ATP11A: variants seen among roughly 807,000 people sequenced by gnomAD.
ATP11A encodes phospholipid-transporting ATPase IH.
In ATP11A, 81 loss-of-function variants were observed where a neutral mutation model predicts 154.4. The ratio of observed to expected loss-of-function variants is 0.52; its 90% CI spans 0.44 to 0.63. The LOEUF (loss-of-function observed/expected upper bound fraction) is 0.63, where lower values mean the gene tolerates loss of function less well. Among genes scored for constraint, ATP11A ranks in the 30% least tolerant of loss-of-function variants. ATP11A has a pLI of 0.00. For synonymous variants in ATP11A, 623 were observed against 585.9 expected, an observed-to-expected ratio of 1.06 and a Z score of -0.91; for missense variants, 1,316 against 1,474.3, an observed-to-expected ratio of 0.89 and a Z score of 1.76.
In ATP11A at chr13:112,886,160, C is replaced by A. The variant is rs1397425314; in HGVS notation, c.*4294C>A. Reference sequence around the variant, plus strand: ...CCTGTGTCTGAGCAGACAGGGCGAACAAGCAGGCCACACCGTCTCGAGGGA... The same window carrying A: ...CCTGTGTCTGAGCAGACAGGGCGAAAAAGCAGGCCACACCGTCTCGAGGGA... On this transcript the variant is annotated 3_prime_UTR_variant, in exon 30 of 30. Coordinates refer to ENST00000375645, the MANE Select transcript of ATP11A (RefSeq NM_015205.3). 1.3e-5 allele frequency: 2 copies of A among 152,268 alleles called. No individual in the cohort carries two copies. Among genetic ancestry groups the A allele is most frequent in the Admixed American group, 1.3e-4 (2 of 15,292 alleles). The allele number at this position is 152,268 out of a possible 1,614,324, so 9.4% of individuals were successfully genotyped here. A position where few individuals can be genotyped will look rare whatever the true frequency, so the allele number is the denominator to read the frequency against.
intron 6 of ATP11A, among the ~76,000 whole-genome samples, chr13:112,819,093 T>G (rs1190128154): frequency 6.6e-6 from 1 of 152,234 alleles, no homozygotes; most frequent in African/African-American, 2.4e-5. Flanking sequence ...TAGTTTTAAG[T>G]GGAGGACACT....
intron 16 of ATP11A, among the ~76,000 whole-genome samples, chr13:112,839,572 C>T (rs958534529): frequency 3.9e-5 from 6 of 152,194 alleles, no homozygotes; most frequent in South Asian, 2.1e-4. Context: ...CCACCAACCA[C>T]GGCTGCACCT....
chr13:112,690,594 A>T lies in ATP11A; in HGVS notation c.39+139A>T. On this transcript the variant is annotated intron_variant, in intron 1 of 29. Transcript: ENST00000375645. The surrounding 1 kb of genome is among the most constrained non-coding windows in gnomAD (Gnocchi z 5.6). ...TCTGGGACTCGGACCGCCCCCGGGG[A>T]CGAGCGGGATGCTGGGGAGGGGCCT... The T allele has an allele frequency of 3.8e-6, 3 of 798,552 alleles. No homozygotes were observed. In the South Asian group the frequency reaches 1.8e-4, roughly 47 times the overall value. The allele number at this position is 798,552 out of a possible 1,614,324, so 49.5% of individuals were successfully genotyped here.
intron 1 of ATP11A, chr13:112,703,282 CCTCGTAA>C (rs1341836446): frequency 6.6e-5 from 10 of 152,218 alleles, no homozygotes; most frequent in African/African-American, 2.4e-4. Flanking sequence ...CTCTCTTCCT[CCTCGTAA>C]CCACACACCA....
intron 12 of ATP11A, 141 bp downstream of exon 12, chr13:112,827,032 C>A: frequency 3.8e-6 from 3 of 791,626 alleles, no homozygotes; most frequent in South Asian, 3.4e-5. Flanking sequence ...GTTTTGAACC[C>A]TATTTATGAA....
rs1003615749 is a variant in ATP11A, at chr13:112,875,835, C to T, written c.3221C>T (p.Pro1074Leu). 14 of 1,613,876 alleles carry T rather than the reference C, an allele frequency of 8.7e-6. No individual in the cohort carries two copies. The highest frequency in any genetic ancestry group is 1.7e-5 in the Admixed American group (1 of 60,010). ...TTCATCCAGATGCTGTCCAGCGGGC[C>T]CGCCTGGCTGGCCATCGTGCTGCTG... is the stretch of plus-strand genomic sequence containing the variant. Reference protein sequence around the residue: ...YVFIQMLSSGPAWLAIVLLVT... With the variant: ...YVFIQMLSSGLAWLAIVLLVT... The change falls in exon 28 of 30, where the codon CCC becomes CTC. Residue 1074 changes from proline to leucine, a missense_variant. Around this residue, in one of 5 missense-constraint regions of ATP11A, gnomAD observed 294 missense variants for 290.2 expected, o/e 1.01. Coordinates refer to ENST00000375645, the MANE Select transcript of ATP11A (RefSeq NM_015205.3). The surrounding 1 kb of genome is among the most constrained non-coding windows in gnomAD (Gnocchi z 4.1).
chr13:112,813,547 A>G (rs1168351544), intron 5 of ATP11A, among the ~76,000 whole-genome samples: 1 of 152,234 alleles, frequency 6.6e-6, no homozygotes, highest in East Asian at 1.9e-4. Context: ...TGGGGCTGTT[A>G]TCAAGAGAGC....
intron 1 of ATP11A, among the ~76,000 whole-genome samples, chr13:112,751,072 C>T (rs1462419534): frequency 2.0e-5 from 3 of 152,194 alleles, no homozygotes; most frequent in Admixed American, 2.0e-4. Context: ...GCGGTGGGGC[C>T]GCAGGGTCTC....
At chr13:112,872,910 CT>C (rs1246594034) in intron 26 of ATP11A, among the ~76,000 whole-genome samples, 1 of 149,000 alleles carries the variant, frequency 6.7e-6, no homozygotes, top group Non-Finnish European at 1.5e-5. Flanking sequence ...GTGGCTTTGT[CT>C]TCCTGAGCGG....
chr13:112,749,885 A>G (rs1350476439), intron 1 of ATP11A, among the ~76,000 whole-genome samples: 1 of 118,240 alleles, frequency 8.5e-6, no homozygotes, highest in Non-Finnish European at 1.7e-5. Context: ...CTGCTGAAGG[A>G]CGCGGGGTTG....
chr13:112,714,065 T>C (rs368211670), intron 1 of ATP11A, among the ~76,000 whole-genome samples: 36 of 79,118 alleles, frequency 4.6e-4, no homozygotes, highest in African/African-American at 1.8e-3. Flanking sequence ...ATCCCACGCC[T>C]CCCTTCCACT....
In ATP11A at chr13:112,859,489, C is replaced by T; in HGVS notation, c.2727+37C>T. 1 of 1,552,094 alleles carries T rather than the reference C, an allele frequency of 6.4e-7. No individual in the cohort carries two copies. Among genetic ancestry groups the T allele is most frequent in the Non-Finnish European group, 8.9e-7 (1 of 1,123,864 alleles). ...GGTCTTCAGGGACAGGCTGTCTGAG[C>T]CTTCTTTTCCTTCCCGCAGTGGGTG... On this transcript the variant is annotated intron_variant, in intron 23 of 29. Coordinates refer to ENST00000375645, the MANE Select transcript of ATP11A (RefSeq NM_015205.3). This position sits in a 1 kb window ranked among gnomAD's most constrained non-coding sequence, Gnocchi z 4.3.
intron 5 of ATP11A, among the ~76,000 whole-genome samples, chr13:112,815,516 A>C (rs1271528108): frequency 6.6e-6 from 1 of 152,260 alleles, no homozygotes; most frequent in Non-Finnish European, 1.5e-5. Flanking sequence ...CACACAGCCC[A>C]GGCCACTGAG....
At chr13:112,871,666 A>C in intron 25 of ATP11A, 69 bp from the exon 26 acceptor site, 1 of 1,468,702 alleles carries the variant, frequency 6.8e-7, no homozygotes, top group Non-Finnish European at 9.5e-7. Flanking sequence ...ATTTTCTAAA[A>C]CTCTTGATTG....
intron 1 of ATP11A, among the ~76,000 whole-genome samples, 183 bp from the exon 2 acceptor site, chr13:112,784,952 C>T (rs908099955): frequency 9.9e-5 from 15 of 152,234 alleles, no homozygotes; most frequent in Non-Finnish European, 1.9e-4. Context: ...ATGAGGGCTG[C>T]GTAAGACAGG....
At chr13:112,863,023 C>T (rs1177638925) in intron 25 of ATP11A, among the ~76,000 whole-genome samples, 1 of 148,656 alleles carries the variant, frequency 6.7e-6, no homozygotes, top group African/African-American at 2.6e-5. Context: ...GGGTCCATCA[C>T]CACCTGTGCA....
At chr13:112,758,329 T>C (rs2076888584) in intron 1 of ATP11A, among the ~76,000 whole-genome samples, 1 of 152,164 alleles carries the variant, frequency 6.6e-6, no homozygotes, top group Non-Finnish European at 1.5e-5. Context: ...CCCAAAGTGC[T>C]GGGATTACAG....
chr13:112,756,333 AGT>A (rs2076832635), intron 1 of ATP11A, among the ~76,000 whole-genome samples: 1 of 152,142 alleles, frequency 6.6e-6, no homozygotes, highest in African/African-American at 2.4e-5. Flanking sequence ...GAAAGGGGAA[AGT>A]GTTTTTCCTG....
intron 29 of ATP11A, chr13:112,880,666 T>C: frequency 7.8e-7 from 1 of 1,285,318 alleles, no homozygotes; most frequent in South Asian, 1.2e-5. Context: ...GTGCGGCTGC[T>C]GGACGCCGCC....
Sources: gnomAD v4.1 joint callset for allele counts (sites outside exome capture counted in the v4.1 genomes callset) on GRCh38, gnomAD v4.1.1 for gene constraint, gnomAD v4.1.1 regional missense constraint, Gnocchi (gnomAD v3.1) non-coding constraint, MANE v1.5 for transcripts, NCBI Gene and HGNC (gene_info 2026-07-23, HGNC 2026-07-21) for gene names.